The following HECW2 variants were observed in gnomAD, a reference collection of about 807,000 sequenced individuals.
The protein encoded by HECW2 is HECT, C2 and WW domain containing E3 ubiquitin protein ligase 2.
Under a neutral mutation model 175.2 loss-of-function variants are expected in HECW2, and 61 were observed. The ratio of observed to expected loss-of-function variants is 0.35; its 90% CI spans 0.28 to 0.43. The LOEUF (loss-of-function observed/expected upper bound fraction) is 0.43, where lower values mean the gene tolerates loss of function less well. HECW2 is among the 20% of genes least tolerant of loss of function. The pLI, the probability that HECW2 is intolerant of heterozygous loss-of-function variation, is 1.00. For missense variants in HECW2, 1,524 were observed against 2,000.5 expected (o/e 0.76, Z 4.54); for synonymous variants, 671 against 731.0 (o/e 0.92, Z 1.32).
chr2:196,404,349 T>C (rs529337246), intron 2 of HECW2, among the ~76,000 whole-genome samples: 2 of 152,308 alleles, frequency 1.3e-5, no homozygotes, highest in East Asian at 3.9e-4. Context: ...GATTCTGTAA[T>C]AAAGAGATTC....
intron 21 of HECW2, among the ~76,000 whole-genome samples, chr2:196,230,522 A>T (rs1688012793): frequency 6.6e-6 from 1 of 152,090 alleles, no homozygotes; most frequent in Non-Finnish European, 1.5e-5. Flanking sequence ...GAGCATGGCC[A>T]CTTCCTTCAA....
chr2:196,540,983 T>A (rs2125465809), intron 1 of HECW2, among the ~76,000 whole-genome samples: 1 of 152,308 alleles, frequency 6.6e-6, no homozygotes, highest in Non-Finnish European at 1.5e-5. Flanking sequence ...CATAAAGCCA[T>A]CCATCAATGT....
chr2:196,310,436 C>T (rs1691450185), intron 10 of HECW2, among the ~76,000 whole-genome samples: 3 of 152,234 alleles, frequency 2.0e-5, no homozygotes, highest in Admixed American at 2.0e-4. Context: ...TACATATCCA[C>T]TTCTACCCAC....
At chr2:196,570,523 T>TGG (rs1028458966) in intron 1 of HECW2, among the ~76,000 whole-genome samples, 1 of 151,740 alleles carries the variant, frequency 6.6e-6, no homozygotes, top group Non-Finnish European at 1.5e-5. Context: ...GGACACAGGG[T>TGG]GGGGAACATC....
At chr2:196,298,760 T>C (rs1264984050) in intron 13 of HECW2, among the ~76,000 whole-genome samples, 1 of 152,168 alleles carries the variant, frequency 6.6e-6, no homozygotes, top group Admixed American at 6.5e-5. Flanking sequence ...CAACATAAAC[T>C]GATACCTTCA....
intron 2 of HECW2, among the ~76,000 whole-genome samples, chr2:196,372,840 G>A (rs929090383): frequency 6.6e-6 from 1 of 152,130 alleles, no homozygotes; most frequent in Non-Finnish European, 1.5e-5. Context: ...CTGACAGCTT[G>A]TAGGCTGTCC....
At chr2:196,585,861 T>C (rs1690956704) in intron 1 of HECW2, among the ~76,000 whole-genome samples, 1 of 152,166 alleles carries the variant, frequency 6.6e-6, no homozygotes, top group African/African-American at 2.4e-5. Context: ...TTGGATAAAA[T>C]GAAGTGAAGC....
intron 1 of HECW2, among the ~76,000 whole-genome samples, chr2:196,572,441 C>T (rs1690420225): frequency 6.6e-6 from 1 of 152,046 alleles, no homozygotes; most frequent in Admixed American, 6.6e-5. Flanking sequence ...CCTCAGCCTC[C>T]CAAAGTGCTA....
At chr2:196,248,765 G>C (rs969972716) in intron 19 of HECW2, among the ~76,000 whole-genome samples, 1 of 152,170 alleles carries the variant, frequency 6.6e-6, no homozygotes, top group Non-Finnish European at 1.5e-5. Context: ...TGTGGTGGGA[G>C]AAAGAAAACG....
intron 2 of HECW2, among the ~76,000 whole-genome samples, chr2:196,407,225 T>TA (rs58147785): frequency 6.6e-6 from 1 of 151,568 alleles, no homozygotes; most frequent in African/African-American, 2.4e-5. Context: ...TTTTTTTTTT[T>TA]AAGACAGGGT....
At chr2:196,320,301 T>C in intron 8 of HECW2, 38 bp downstream of exon 8, 1 of 1,229,452 alleles carries the variant, frequency 8.1e-7, no homozygotes, top group South Asian at 1.3e-5. Context: ...AAGTTTTTCC[T>C]ATAGCAATGT....
At chr2:196,561,501 T>C (rs1441308642) in intron 1 of HECW2, among the ~76,000 whole-genome samples, 1 of 152,184 alleles carries the variant, frequency 6.6e-6, no homozygotes, top group Non-Finnish European at 1.5e-5. Flanking sequence ...CCACACCCTA[T>C]TCGTACACTC....
At chr2:196,231,740 T>G (rs6434832) in intron 21 of HECW2, among the ~76,000 whole-genome samples, 148,353 of 152,272 alleles carry the variant, frequency 0.97, 72,401 homozygotes, top group East Asian at 1. Flanking sequence ...TGTAATCCCA[T>G]CACTTTGGGA....
rs1453779416 is a variant in HECW2 at position 196,437,625 on chromosome 2, G to A, written c.-35-4167C>T. Among the ~76,000 whole-genome samples, 77 of 15,332 alleles carry A rather than the reference G, an allele frequency of 5.0e-3. 1 individual carries two copies. Among genetic ancestry groups the A allele is most frequent in the East Asian group, 0.012 (4 of 340 alleles). The allele number at this position is 15,332 out of a possible 152,430, so 10.1% of individuals were successfully genotyped here. The stretch of plus-strand genomic sequence containing the variant: ...AGACTCTGTCTCAAAAAAAAAAAAA[G>A]CACCAGCCTTGGAGGGGGTGGGTCA... On this transcript the variant is annotated intron_variant, in intron 1 of 28. Transcript: ENST00000644978.
At chr2:196,398,251 T>C (rs1694726142) in intron 2 of HECW2, among the ~76,000 whole-genome samples, 25 of 152,274 alleles carry the variant, frequency 1.6e-4, no homozygotes, top group Admixed American at 1.6e-3. Flanking sequence ...GAAAGGTTAA[T>C]GGTTAAGGGT....
chr2:196,290,072 G>A (rs1031276091), intron 14 of HECW2: 1 of 152,110 alleles, frequency 6.6e-6, no homozygotes, highest in African/African-American at 2.4e-5. Flanking sequence ...CACAAGGCAG[G>A]GGTCCTTCAA....
chr2:196,274,675 G>A (rs1689875167), intron 15 of HECW2, among the ~76,000 whole-genome samples: 1 of 152,172 alleles, frequency 6.6e-6, no homozygotes, highest in Non-Finnish European at 1.5e-5. Flanking sequence ...TAGAACACCT[G>A]GTACAACAGA....
At chr2:196,431,356 C>G (rs368942589) in intron 2 of HECW2, among the ~76,000 whole-genome samples, 1 of 152,092 alleles carries the variant, frequency 6.6e-6, no homozygotes, top group African/African-American at 2.4e-5. Context: ...GGAAATAAAG[C>G]AAGTGTGTGT....
chr2:196,506,805 T>C (rs898336447), intron 1 of HECW2, among the ~76,000 whole-genome samples: 4 of 152,190 alleles, frequency 2.6e-5, no homozygotes, highest in African/African-American at 9.6e-5. Flanking sequence ...ACATACTACC[T>C]GAGAGTAGTT....
Sources: allele counts gnomAD v4.1 joint callset (sites outside exome capture counted in the v4.1 genomes callset), GRCh38; gene constraint gnomAD v4.1.1; transcripts MANE v1.5; gene names NCBI Gene and HGNC (gene_info 2026-07-23, HGNC 2026-07-21).